DPP6: variants seen among roughly 807,000 people sequenced by gnomAD.
The protein encoded by DPP6 is A-type potassium channel modulatory protein DPP6.
In DPP6, 69 loss-of-function variants were observed where a neutral mutation model predicts 122.6. That is an observed-to-expected ratio of 0.56 (90% confidence interval 0.46 to 0.69). DPP6 has a LOEUF of 0.69. Ranked by LOEUF, DPP6 falls within the 30% of genes least tolerant of loss-of-function variation. DPP6 has a pLI of 0.00. For synonymous variants in DPP6, 418 were observed against 433.1 expected (o/e 0.97, Z 0.43); for missense variants, 928 against 1,116.9 (o/e 0.83, Z 2.41).
In DPP6 at chr7:154,602,489, C is replaced by T. The variant is rs1426859735; in HGVS notation, c.628-35332C>T. Among the ~76,000 whole-genome samples, 5 of 120,924 alleles carry T rather than the reference C, an allele frequency of 4.1e-5. 2 individuals are homozygous for T. 79.3% of individuals were successfully genotyped at this position (120,924 alleles called of 152,430 possible). A position where few individuals can be genotyped will look rare whatever the true frequency, so the allele number is the denominator to read the frequency against. ...CTAGAGTGCAATGGCACGATCTTGT[C>T]TCACTGCAACCTCTGCCTCCCAGGT... On this transcript the variant is annotated intron_variant, in intron 5 of 25. Coordinates refer to ENST00000377770, the MANE Select transcript of DPP6 (RefSeq NM_130797.4).
intron 1 of DPP6, among the ~76,000 whole-genome samples, chr7:154,065,562 C>G (rs1018763059): frequency 6.6e-6 from 1 of 151,748 alleles, no homozygotes. Flanking sequence ...CTACTGAATA[C>G]TACTACCTAA....
intron 7 of DPP6, among the ~76,000 whole-genome samples, chr7:154,696,466 T>C (rs1465700037): frequency 6.6e-6 from 1 of 152,190 alleles, no homozygotes; most frequent in Non-Finnish European, 1.5e-5. Flanking sequence ...ATTTGGATGA[T>C]AGGTTATAGG....
At chr7:154,697,379 A>C (rs1840280558) in intron 7 of DPP6, among the ~76,000 whole-genome samples, 1 of 152,182 alleles carries the variant, frequency 6.6e-6, no homozygotes, top group Non-Finnish European at 1.5e-5. Context: ...AGGGCTTCCA[A>C]GTCCCATGTA....
intron 5 of DPP6, among the ~76,000 whole-genome samples, chr7:154,573,539 G>A (rs911766524): frequency 6.6e-5 from 10 of 152,222 alleles, no homozygotes; most frequent in East Asian, 5.8e-4. Context: ...CTTTTATCCC[G>A]GGATGAATTC....
chr7:153,798,624 A>G, the DPP6 span, among the ~76,000 whole-genome samples: 2 of 152,218 alleles, frequency 1.3e-5, no homozygotes, highest in African/African-American at 4.8e-5. Flanking sequence ...TAATTGTTCC[A>G]TGGACCAGAC....
intron 1 of DPP6, among the ~76,000 whole-genome samples, chr7:153,983,550 G>C (rs1563073967): frequency 6.6e-6 from 1 of 152,138 alleles, no homozygotes; most frequent in African/African-American, 2.4e-5. Context: ...TTCCAGGTGA[G>C]TGAACAGTTC....
chr7:153,956,216 C>T (rs1297136813), intron 1 of DPP6, among the ~76,000 whole-genome samples: 1 of 152,050 alleles, frequency 6.6e-6, no homozygotes, highest in Non-Finnish European at 1.5e-5. Flanking sequence ...GGGGCTGGTC[C>T]AGTCCATGCT....
the DPP6 span, among the ~76,000 whole-genome samples, chr7:153,855,574 G>C: frequency 1.3e-5 from 2 of 152,130 alleles, no homozygotes; most frequent in African/African-American, 4.8e-5. Context: ...TGGTCATGAA[G>C]GCTTTGGTTA....
intron 1 of DPP6, among the ~76,000 whole-genome samples, chr7:154,274,641 G>A (rs146724063): frequency 6.6e-6 from 1 of 151,670 alleles, no homozygotes; most frequent in East Asian, 2.0e-4. Flanking sequence ...TGTTAAATAT[G>A]CAAAATACGT....
At chr7:154,557,777 G>A (rs573127388) in intron 4 of DPP6, among the ~76,000 whole-genome samples, 33 of 152,144 alleles carry the variant, frequency 2.2e-4, no homozygotes, top group African/African-American at 7.0e-4. Context: ...ACTGCAGCAC[G>A]AAGGGGAAAA....
At chr7:154,361,730 G>A (rs1383592197) in intron 1 of DPP6, among the ~76,000 whole-genome samples, 3 of 151,896 alleles carry the variant, frequency 2.0e-5, no homozygotes, top group East Asian at 3.9e-4. Flanking sequence ...TTAATGTATT[G>A]CCCATCATTG....
intron 4 of DPP6, among the ~76,000 whole-genome samples, chr7:154,563,783 A>G (rs1269794625): frequency 1.2e-4 from 18 of 152,144 alleles, no homozygotes; most frequent in Admixed American, 1.2e-3. Context: ...TATCCATTTG[A>G]CACTCAAGTA....
chr7:154,066,116 G>T (rs1438884072), intron 1 of DPP6, among the ~76,000 whole-genome samples: 1 of 149,570 alleles, frequency 6.7e-6, no homozygotes, highest in Non-Finnish European at 1.5e-5. Flanking sequence ...CTGGAGTGCA[G>T]TGATACAAAC....
At chr7:154,147,557 G>T (rs1480526418) in intron 1 of DPP6, among the ~76,000 whole-genome samples, 1 of 151,392 alleles carries the variant, frequency 6.6e-6, no homozygotes, top group Non-Finnish European at 1.5e-5. Context: ...TCAGCTCACT[G>T]CAACCTCCGT....
At chr7:154,338,763 G>A (rs1809651107) in intron 1 of DPP6, among the ~76,000 whole-genome samples, 1 of 152,160 alleles carries the variant, frequency 6.6e-6, no homozygotes, top group Non-Finnish European at 1.5e-5. Flanking sequence ...TTCTCACACT[G>A]AATGCCCTCT....
At chr7:154,284,570 A>G (rs1804728768) in intron 1 of DPP6, among the ~76,000 whole-genome samples, 1 of 152,212 alleles carries the variant, frequency 6.6e-6, no homozygotes, top group Admixed American at 6.5e-5. Context: ...ACACTATGCC[A>G]GAGACTGGGC....
At chr7:154,179,077 G>A (rs1193262018) in intron 1 of DPP6, among the ~76,000 whole-genome samples, 2 of 152,146 alleles carry the variant, frequency 1.3e-5, no homozygotes, top group Non-Finnish European at 1.5e-5. Context: ...AGAAGTTCCT[G>A]CCACTGGTGA....
the DPP6 span, among the ~76,000 whole-genome samples, chr7:153,801,767 A>T: frequency 1.3e-5 from 2 of 152,180 alleles, no homozygotes; most frequent in African/African-American, 2.4e-5. Context: ...GTACATAAAC[A>T]AAAAGTCCTG....
intron 1 of DPP6, chr7:153,887,749 C>G (rs1798996654): frequency 1.9e-6 from 3 of 1,612,594 alleles, no homozygotes; most frequent in East Asian, 2.2e-5. Flanking sequence ...GTGCCACGGA[C>G]AGGGCGCGCG....
Sources: gnomAD v4.1 joint callset for allele counts (sites outside exome capture counted in the v4.1 genomes callset) on GRCh38, gnomAD v4.1.1 for gene constraint, MANE v1.5 for transcripts, NCBI Gene and HGNC (gene_info 2026-07-23, HGNC 2026-07-21) for gene names.